The following KCTD1 variants were observed in gnomAD, a reference collection of about 807,000 sequenced individuals.
KCTD1 encodes BTB/POZ domain-containing protein KCTD1.
Under a neutral mutation model 66.0 loss-of-function variants are expected in KCTD1, and 24 were observed. That is an observed-to-expected ratio of 0.36 (90% confidence interval 0.26 to 0.51). KCTD1 has a LOEUF of 0.51. Among genes scored for constraint, KCTD1 ranks in the 20% least tolerant of loss-of-function variants. The pLI is 0.95. For synonymous variants in KCTD1, 511 were observed against 517.2 expected, an observed-to-expected ratio of 0.99 and a Z score of 0.16; for missense variants, 943 against 1,205.2, an observed-to-expected ratio of 0.78 and a Z score of 3.22.
intron 1 of KCTD1, among the ~76,000 whole-genome samples, chr18:26,540,837 T>C (rs1984941857): frequency 6.6e-6 from 1 of 152,170 alleles, no homozygotes; most frequent in South Asian, 2.1e-4. Flanking sequence ...TTTGGTGAAG[T>C]TAAAAATTTG....
intron 1 of KCTD1, among the ~76,000 whole-genome samples, chr18:26,519,542 C>G (rs1983815228): frequency 6.6e-6 from 1 of 152,142 alleles, no homozygotes; most frequent in African/African-American, 2.4e-5. Context: ...TGTTTATCAC[C>G]ATTTAGAGGC....
chr18:26,467,656 A>C (rs1980816029), intron 3 of KCTD1, among the ~76,000 whole-genome samples: 1 of 152,092 alleles, frequency 6.6e-6, no homozygotes, highest in Non-Finnish European at 1.5e-5. Flanking sequence ...CTCTACTAAA[A>C]ATACAAAAGT....
intron 1 of KCTD1, among the ~76,000 whole-genome samples, chr18:26,579,425 G>T (rs1986302140): frequency 6.6e-6 from 1 of 152,054 alleles, no homozygotes; most frequent in Admixed American, 6.5e-5. Flanking sequence ...TAACAATTTT[G>T]CAGATGACCC....
intron 3 of KCTD1, among the ~76,000 whole-genome samples, chr18:26,461,034 G>C (rs989463805): frequency 6.6e-6 from 1 of 152,258 alleles, no homozygotes; most frequent in Non-Finnish European, 1.5e-5. Flanking sequence ...GGGATGCCCA[G>C]TGCCTGCATG....
At chr18:26,636,484 T>C (rs1401805712) in intron 1 of KCTD1, among the ~76,000 whole-genome samples, 1 of 152,162 alleles carries the variant, frequency 6.6e-6, no homozygotes, top group Non-Finnish European at 1.5e-5. Context: ...GAGCTGGCAG[T>C]GCCATCACAC....
chr18:26,548,561 G>A (rs1690110484), upstream of KCTD1: 6 of 1,218,216 alleles, frequency 4.9e-6, no homozygotes, highest in Non-Finnish European at 6.1e-6. Flanking sequence ...GCCAGTCCTC[G>A]GGCAGGGCGC....
intron 1 of KCTD1, among the ~76,000 whole-genome samples, chr18:26,587,738 C>A (rs529230530): frequency 1.4e-4 from 21 of 152,208 alleles, no homozygotes; most frequent in African/African-American, 5.1e-4. Flanking sequence ...GACATCAAGA[C>A]AACAGTGGAG....
At chr18:26,578,465 T>G (rs1986280898) in intron 1 of KCTD1, among the ~76,000 whole-genome samples, 1 of 152,240 alleles carries the variant, frequency 6.6e-6, no homozygotes. Context: ...GTAAGCTGCC[T>G]GAAGAATTAT....
intron 2 of KCTD1, among the ~76,000 whole-genome samples, chr18:26,481,751 G>A (rs180718858): frequency 6.6e-6 from 1 of 152,250 alleles, no homozygotes; most frequent in East Asian, 1.9e-4. Flanking sequence ...CTTAACCCTG[G>A]CTACACAGTG....
At chr18:26,590,738 T>C (rs1235580658) in intron 1 of KCTD1, among the ~76,000 whole-genome samples, 2 of 152,176 alleles carry the variant, frequency 1.3e-5, no homozygotes, top group Admixed American at 1.3e-4. Context: ...AAACTGCCTA[T>C]ATGCATTTTT....
chr18:26,640,474 AG>A (rs1987812889), upstream of KCTD1: 1 of 152,928 alleles, frequency 6.5e-6, no homozygotes, highest in South Asian at 2.1e-4. Flanking sequence ...ACAAACAAAA[AG>A]GAATGACAGT....
chr18:26,532,282 T>C (rs1355821004), intron 1 of KCTD1, among the ~76,000 whole-genome samples: 6 of 103,648 alleles, frequency 5.8e-5, no homozygotes, highest in African/African-American at 1.7e-4. Context: ...TTTTTTTTTT[T>C]TTTTTGAGAC....
At position 26,468,327 on chromosome 18, in the gene KCTD1, T is replaced by G. The variant is rs1980861948; in HGVS notation, c.2133+8188A>C. On this transcript the variant is annotated intron_variant, in intron 3 of 4. Transcript: ENST00000580059. The surrounding 1 kb of genome is among the most constrained non-coding windows in gnomAD (Gnocchi z 4.8). ...ACAGGAGCAACTGCCACTTAAATGGTGTTCTGAAATATGAAATTATCTCAA... is the reference window on the plus strand; with the variant it reads ...ACAGGAGCAACTGCCACTTAAATGGGGTTCTGAAATATGAAATTATCTCAA... 6.6e-6 allele frequency among the ~76,000 whole-genome samples: 1 copy of G among 152,134 alleles called. No individual in the cohort carries two copies. Among genetic ancestry groups the G allele is most frequent in the African/African-American group, 2.4e-5 (1 of 41,426 alleles).
intron 1 of KCTD1, among the ~76,000 whole-genome samples, chr18:26,652,929 T>C (rs1988063436): frequency 6.6e-6 from 1 of 152,212 alleles, no homozygotes; most frequent in Non-Finnish European, 1.5e-5. Flanking sequence ...CACTTGACAC[T>C]TCTCTCTTCT....
chr18:26,514,114 G>C (rs986839231), intron 1 of KCTD1, among the ~76,000 whole-genome samples: 1 of 152,198 alleles, frequency 6.6e-6, no homozygotes, highest in South Asian at 2.1e-4. Flanking sequence ...AAAGCAGCTT[G>C]AGATTCCCCT....
intron 1 of KCTD1, chr18:26,591,496 A>C (rs560496544): frequency 3.1e-4 from 47 of 152,324 alleles, no homozygotes; most frequent in African/African-American, 1.1e-3. Flanking sequence ...GCTGGGATTG[A>C]ACCGCAAGTC....
At chr18:26,482,722 G>A (rs1211222906) in intron 2 of KCTD1, among the ~76,000 whole-genome samples, 1 of 152,170 alleles carries the variant, frequency 6.6e-6, no homozygotes, top group Admixed American at 6.5e-5. Flanking sequence ...TTACCGAGAG[G>A]CCAGCAGGTT....
In KCTD1 at chr18:26,534,603, A is replaced by G. The variant is rs114146794; in HGVS notation, c.1809+12125T>C. Reference sequence around the variant, plus strand: ...CAATAATCTCTAACCAATAGAATATATATGTATATTTTATACATATGTATT... The same window carrying G: ...CAATAATCTCTAACCAATAGAATATGTATGTATATTTTATACATATGTATT... On this transcript the variant is annotated intron_variant, in intron 1 of 4. Coordinates refer to ENST00000580059, the MANE Select transcript of KCTD1 (RefSeq NM_001142730.3). Among the ~76,000 whole-genome samples the G allele has an allele frequency of 1.7e-3, 255 of 152,304 alleles. 2 individuals carry two copies. The highest frequency in any genetic ancestry group is 5.6e-3 in the African/African-American group (232 of 41,570).
At chr18:26,472,218 C>T (rs1981106299) in intron 3 of KCTD1, among the ~76,000 whole-genome samples, 1 of 151,756 alleles carries the variant, frequency 6.6e-6, no homozygotes, top group African/African-American at 2.4e-5. Context: ...GATTCTGGGT[C>T]GGCATTTGGA....
Sources: allele counts gnomAD v4.1 joint callset (sites outside exome capture counted in the v4.1 genomes callset), GRCh38; gene constraint gnomAD v4.1.1; non-coding constraint Gnocchi (gnomAD v3.1); transcripts MANE v1.5; gene names NCBI Gene and HGNC (gene_info 2026-07-23, HGNC 2026-07-21).